The following AGBL1 variants were observed in gnomAD, a reference collection of about 807,000 sequenced individuals.
AGBL1 encodes cytosolic carboxypeptidase 4.
AGBL1 carries 130 observed loss-of-function variants against 118.9 expected under a neutral mutation model. That is an observed-to-expected ratio of 1.09 (90% CI 0.95 to 1.26). AGBL1 has a LOEUF of 1.26. Among genes scored for constraint, AGBL1 ranks in the 50% most tolerant of loss-of-function variants. AGBL1 has a pLI of 0.00. For missense variants in AGBL1, 1,584 were observed against 1,298.1 expected, an observed-to-expected ratio of 1.22 and a Z score of -3.38; for synonymous variants, 555 against 478.9, an observed-to-expected ratio of 1.16 and a Z score of -2.08.
chr15:86,744,876 T>G (rs1407214347), intron 22 of AGBL1, among the ~76,000 whole-genome samples: 1 of 152,170 alleles, frequency 6.6e-6, no homozygotes, highest in East Asian at 1.9e-4. Context: ...GGTGCCAGAT[T>G]GGTGTCATTC....
intron 22 of AGBL1, among the ~76,000 whole-genome samples, chr15:86,750,239 T>C (rs2077827200): frequency 6.6e-6 from 1 of 152,092 alleles, no homozygotes; most frequent in Non-Finnish European, 1.5e-5. Flanking sequence ...CAATGTTGTT[T>C]TGTACTTTTT....
At chr15:87,013,836 C>CAACTA (rs2081584814) in intron 24 of AGBL1, among the ~76,000 whole-genome samples, 1 of 152,088 alleles carries the variant, frequency 6.6e-6, no homozygotes, top group Non-Finnish European at 1.5e-5. Context: ...ATTCCCAGCT[C>CAACTA]AACTATTCCA....
At position 86,751,921 on chromosome 15, in the gene AGBL1, A is replaced by G. The variant is rs115275700; in HGVS notation, c.3158+77485A>G. Reference sequence around the variant, plus strand: ...AATCACAGGTCCCAGAATTTTAGAGATGTTCATCTGTCATTAAAGGCTTCA... The same window carrying G: ...AATCACAGGTCCCAGAATTTTAGAGGTGTTCATCTGTCATTAAAGGCTTCA... On this transcript the variant is annotated intron_variant, in intron 22 of 22. Transcript: ENST00000614907. Among the ~76,000 whole-genome samples, 764 of 152,154 alleles carry G rather than the reference A, an allele frequency of 5.0e-3. 10 individuals carry two copies. Among genetic ancestry groups the G allele is most frequent in the African/African-American group, 0.017 (715 of 41,544 alleles).
At chr15:86,473,284 G>A (rs79088183) in intron 18 of AGBL1, among the ~76,000 whole-genome samples, 1,834 of 152,216 alleles carry the variant, frequency 0.012, 30 homozygotes, top group African/African-American at 0.041. Context: ...GAAGAGTGAG[G>A]CCCCCTCCCA....
intron 5 of AGBL1, among the ~76,000 whole-genome samples, chr15:86,159,679 A>G (rs1002373645): frequency 6.6e-6 from 1 of 152,104 alleles, no homozygotes; most frequent in Admixed American, 6.6e-5. Flanking sequence ...ATTAAGATCT[A>G]TCATTTATGG....
intron 22 of AGBL1, among the ~76,000 whole-genome samples, chr15:86,843,802 G>A (rs186766587): frequency 3.9e-4 from 60 of 152,240 alleles, no homozygotes; most frequent in Admixed American, 9.2e-4. Flanking sequence ...TTTAGCAAAT[G>A]TATGTAATGA....
chr15:86,230,915 C>G (rs1056980150), intron 6 of AGBL1, among the ~76,000 whole-genome samples: 2 of 152,130 alleles, frequency 1.3e-5, no homozygotes, highest in African/African-American at 4.8e-5. Flanking sequence ...TCACAAAAAA[C>G]AGGGCTCCTG....
intron 13 of AGBL1, among the ~76,000 whole-genome samples, chr15:86,269,162 AGCTG>A (rs2079118373): frequency 1.3e-5 from 2 of 152,130 alleles, no homozygotes; most frequent in Non-Finnish European, 2.9e-5. Context: ...AAATTCATGG[AGCTG>A]TATATTTAAG....
At chr15:86,477,110 A>T (rs1373162027) in intron 18 of AGBL1, among the ~76,000 whole-genome samples, 2 of 152,208 alleles carry the variant, frequency 1.3e-5, no homozygotes, top group Non-Finnish European at 2.9e-5. Context: ...ATAGCACTCA[A>T]TGCCCACAAG....
intron 24 of AGBL1, among the ~76,000 whole-genome samples, chr15:87,017,694 A>G (rs1474953692): frequency 6.6e-6 from 1 of 152,094 alleles, no homozygotes. Flanking sequence ...ATGAGAAAGA[A>G]TCAACACAAA....
intron 21 of AGBL1, among the ~76,000 whole-genome samples, chr15:86,659,107 C>T (rs2085502526): frequency 6.6e-6 from 1 of 152,132 alleles, no homozygotes; most frequent in Admixed American, 6.5e-5. Flanking sequence ...CTCCACATCC[C>T]TTTCCTAAAA....
At position 87,005,827 on chromosome 15, in the gene AGBL1, A is replaced by C. The variant is rs1208490599; in HGVS notation, c.3323+17739A>C. On this transcript the variant is annotated intron_variant, in intron 24 of 24. Transcript: ENST00000441037. ...GTTTTTTCCCCATCTTTGTGGTTTTATCTACCTTTGGTCTTTGATGATAGT... is the reference window on the plus strand; with the variant it reads ...GTTTTTTCCCCATCTTTGTGGTTTTCTCTACCTTTGGTCTTTGATGATAGT... Among the ~76,000 whole-genome samples the C allele has an allele frequency of 2.6e-5, 4 of 152,058 alleles. No homozygotes were observed. The East Asian group carries it at 7.7e-4, about 29-fold the overall frequency.
At chr15:86,434,057 A>G (rs961693338) in intron 18 of AGBL1, among the ~76,000 whole-genome samples, 17 of 152,202 alleles carry the variant, frequency 1.1e-4, no homozygotes, top group Admixed American at 9.2e-4. Flanking sequence ...CTACAAACCC[A>G]ACTGATCCTT....
chr15:86,772,241 A>G (rs1044945881), intron 22 of AGBL1, among the ~76,000 whole-genome samples: 28 of 152,006 alleles, frequency 1.8e-4, no homozygotes, highest in African/African-American at 6.8e-4. Flanking sequence ...GACTTGGCCC[A>G]TCACTTGATT....
At chr15:87,012,227 A>G (rs1039430126) in intron 24 of AGBL1, among the ~76,000 whole-genome samples, 2 of 149,528 alleles carry the variant, frequency 1.3e-5, no homozygotes, top group African/African-American at 4.9e-5. Context: ...ACACACACAC[A>G]CGCTTGCATA....
At chr15:86,835,275 T>C (rs930664718) in intron 22 of AGBL1, among the ~76,000 whole-genome samples, 15 of 151,202 alleles carry the variant, frequency 9.9e-5, no homozygotes, top group African/African-American at 3.7e-4. Context: ...GCTTAAAATC[T>C]AGATCTTAAT....
intron 18 of AGBL1, among the ~76,000 whole-genome samples, chr15:86,415,643 G>A (rs1015028846): frequency 3.0e-4 from 45 of 152,094 alleles, no homozygotes; most frequent in African/African-American, 1.0e-3. Context: ...CTCATTTTTA[G>A]TTCATTGTCA....
In AGBL1 at chr15:86,247,894, G is replaced by T; in HGVS notation, c.735+15G>T. On this transcript the variant is annotated intron_variant, in intron 7 of 22. Transcript: ENST00000614907. ...GCACCACACAGGCAGGCAGCATGGG[G>T]ATTCACTCTGCAGCTGGAGGCCAGC... is the stretch of plus-strand genomic sequence containing the variant. 2 of 1,613,310 alleles carry T rather than the reference G, an allele frequency of 1.2e-6. No homozygotes were observed. Among genetic ancestry groups the T allele is most frequent in the Non-Finnish European group, 1.7e-6 (2 of 1,179,650 alleles).
chr15:86,387,094 G>A (rs571940440), intron 17 of AGBL1, among the ~76,000 whole-genome samples: 12 of 152,208 alleles, frequency 7.9e-5, no homozygotes, highest in Middle Eastern at 3.4e-3. Context: ...ATATGAAAAT[G>A]GATTCTAGGG....
Sources: allele counts gnomAD v4.1 joint callset (sites outside exome capture counted in the v4.1 genomes callset), GRCh38; gene constraint gnomAD v4.1.1; transcripts MANE v1.5; gene names NCBI Gene and HGNC (gene_info 2026-07-23, HGNC 2026-07-21).